The following ST18 variants were observed in gnomAD, a reference collection of about 807,000 sequenced individuals.
ST18 encodes suppression of tumorigenicity 18 protein.
Under a neutral mutation model 110.0 loss-of-function variants are expected in ST18, and 50 were observed. The observed-to-expected ratio is 0.45, with a 90% CI of 0.36 to 0.58. ST18 has a LOEUF of 0.58. ST18 is among the 20% of genes least tolerant of loss of function. The pLI is 0.00. For synonymous variants in ST18, 461 were observed against 452.4 expected, an observed-to-expected ratio of 1.02 and a Z score of -0.24; for missense variants, 1,306 against 1,280.1, an observed-to-expected ratio of 1.02 and a Z score of -0.31.
At chr8:52,332,286 T>C (rs895730989) in intron 2 of ST18, among the ~76,000 whole-genome samples, 4 of 152,110 alleles carry the variant, frequency 2.6e-5, no homozygotes, top group African/African-American at 9.7e-5. Context: ...ATCCCACTTA[T>C]GCTGTATTGA....
intron 2 of ST18, among the ~76,000 whole-genome samples, chr8:52,297,732 C>T (rs1589709667): frequency 1.3e-5 from 2 of 152,092 alleles, no homozygotes; most frequent in Admixed American, 1.3e-4. Flanking sequence ...GATTAAAAAA[C>T]ATATTTTAAA....
chr8:52,297,252 A>AGT (rs1018848219), intron 2 of ST18, among the ~76,000 whole-genome samples: 7 of 152,334 alleles, frequency 4.6e-5, no homozygotes, highest in Non-Finnish European at 7.3e-5. Flanking sequence ...TTGTACGTGA[A>AGT]GTGTGTGACA....
Position 52,210,303 on chromosome 8 carries a change from A to G in ST18, c.86+1776T>C, listed in dbSNP as rs75625049. Among the ~76,000 whole-genome samples the G allele has an allele frequency of 9.4e-3, 1,427 of 152,334 alleles. 24 individuals carry two copies. The highest frequency in any genetic ancestry group is 0.032 in the African/African-American group (1,350 of 41,574). On this transcript the variant is annotated intron_variant, in intron 8 of 25. Transcript: ENST00000689386. ...TTTAAATGAGCAAGGTTATTCAACAATTTAATCCTGTCCAAATGTAGGGGT... is the reference window on the plus strand; with the variant it reads ...TTTAAATGAGCAAGGTTATTCAACAGTTTAATCCTGTCCAAATGTAGGGGT...
At chr8:52,319,500 CT>C (rs781193293) in intron 2 of ST18, among the ~76,000 whole-genome samples, 2 of 152,056 alleles carry the variant, frequency 1.3e-5, no homozygotes, top group Non-Finnish European at 2.9e-5. Context: ...ATATGTTTCT[CT>C]TTTTTAGTTT....
chr8:52,285,021 C>G lies in ST18; in HGVS notation c.-464-54944G>C, dbSNP rs113240850. Among the ~76,000 whole-genome samples the G allele has an allele frequency of 9.2e-3, 1,395 of 152,212 alleles. 12 individuals are homozygous for G. The highest frequency in any genetic ancestry group is 0.026 in the South Asian group (124 of 4,812). ...ATAAGGAAGGACATTCCTAACTATA[C>G]GAGCTGTTCAAAATGGAGCATGCTA... is the stretch of plus-strand genomic sequence containing the variant. On this transcript the variant is annotated intron_variant, in intron 2 of 25. Transcript: ENST00000689386.
At chr8:52,117,588 T>C (rs2043003953) in intron 24 of ST18, among the ~76,000 whole-genome samples, 1 of 152,182 alleles carries the variant, frequency 6.6e-6, no homozygotes, top group Admixed American at 6.6e-5. Context: ...GCAACAATGG[T>C]CACTCTGGGT....
At chr8:52,136,263 G>T (rs1479437098) in intron 19 of ST18, among the ~76,000 whole-genome samples, 1 of 152,136 alleles carries the variant, frequency 6.6e-6, no homozygotes, top group African/African-American at 2.4e-5. Context: ...AAATTAAATG[G>T]CAGGTATGCT....
rs574558794 is a variant in ST18, at chr8:52,238,495, C to T, written c.-464-8418G>A. Among the ~76,000 whole-genome samples, 19 of 152,196 alleles carry T rather than the reference C, an allele frequency of 1.2e-4. No individual in the cohort carries two copies. The South Asian group carries it at 3.3e-3, about 27-fold the overall frequency. On this transcript the variant is annotated intron_variant, in intron 2 of 25. Coordinates refer to ENST00000689386, the MANE Select transcript of ST18 (RefSeq NM_001352837.2). Reference sequence around the variant, plus strand: ...CCAGGAATACCACCACTGGTATCTACCCAAAGGAAAAAATTATTACACCAA... The same window carrying T: ...CCAGGAATACCACCACTGGTATCTATCCAAAGGAAAAAATTATTACACCAA...
chr8:52,173,428 T>C (rs60204763), intron 9 of ST18, among the ~76,000 whole-genome samples: 28,063 of 152,188 alleles, frequency 0.18, 6,143 homozygotes, highest in African/African-American at 0.53. Flanking sequence ...AGTGCCTGTC[T>C]GTCCAGGGTC....
chr8:52,298,733 AT>A (rs1382319049), intron 2 of ST18, among the ~76,000 whole-genome samples: 6 of 152,310 alleles, frequency 3.9e-5, no homozygotes, highest in Admixed American at 3.9e-4. Context: ...TCCTTTTTGC[AT>A]TTCATACTTT....
chr8:52,212,773 T>TG (rs1455076761), intron 7 of ST18, among the ~76,000 whole-genome samples: 3 of 152,308 alleles, frequency 2.0e-5, no homozygotes, highest in African/African-American at 7.2e-5. Context: ...GAGAAACAGT[T>TG]GTTTCATTTC....
At chr8:52,371,210 T>C (rs1830157322) in intron 2 of ST18, among the ~76,000 whole-genome samples, 2 of 152,224 alleles carry the variant, frequency 1.3e-5, no homozygotes, top group South Asian at 4.1e-4. Flanking sequence ...GCTCGACTCT[T>C]AGCTTTCTAG....
chr8:52,404,425 G>A (rs1843752972), intron 2 of ST18: 1 of 152,148 alleles, frequency 6.6e-6, no homozygotes, highest in African/African-American at 2.4e-5. Flanking sequence ...CCAGGCCCAG[G>A]AGCACATGTT....
chr8:52,203,989 T>C (rs1182859485), intron 8 of ST18, among the ~76,000 whole-genome samples: 1 of 152,228 alleles, frequency 6.6e-6, no homozygotes, highest in Non-Finnish European at 1.5e-5. Flanking sequence ...GAGTCATCTC[T>C]GGAAGCATAT....
rs539953423 is a variant in ST18, at chr8:52,214,396, AC to A, written c.1-140del. ...TTGACTCACAGCCCGGCTCTATAGT[AC>A]ATAACTGTGACTCCCCCCACATACC... On this transcript the variant is annotated intron_variant, in intron 6 of 25. Coordinates refer to ENST00000689386, the MANE Select transcript of ST18 (RefSeq NM_001352837.2). 203 of 769,930 alleles carry A rather than the reference AC, an allele frequency of 2.6e-4. 3 individuals carry two copies. The South Asian group carries it at 3.5e-3, about 13-fold the overall frequency. The allele number at this position is 769,930 out of a possible 1,614,324, so 47.7% of individuals were successfully genotyped here. A position where few individuals can be genotyped will look rare whatever the true frequency, so the allele number is the denominator to read the frequency against.
At position 52,223,685 on chromosome 8, in the gene ST18, AT is replaced by A. The variant is rs1220084466; in HGVS notation, c.-418-1893del. ...TTTACTTATGGTTCCAAAGGATGTG[AT>A]TTTTTTTTTAAGTCCTCAAAACTAA... On this transcript the variant is annotated intron_variant, in intron 3 of 25. Coordinates refer to ENST00000689386, the MANE Select transcript of ST18 (RefSeq NM_001352837.2). Among the ~76,000 whole-genome samples, 34 of 150,190 alleles carry A rather than the reference AT, an allele frequency of 2.3e-4. No homozygotes were observed. In the East Asian group the frequency reaches 3.7e-3, roughly 16 times the overall value.
In ST18 at chr8:52,153,115, G is replaced by A. The variant is rs541535331; in HGVS notation, c.1807-3138C>T. On this transcript the variant is annotated intron_variant, in intron 15 of 25. Coordinates refer to ENST00000689386, the MANE Select transcript of ST18 (RefSeq NM_001352837.2). ...TTCAGGCAAATGACAACATTATATT[G>A]TTTTAGCAATTTTAAGTGGTCACAC... Among the ~76,000 whole-genome samples the A allele has an allele frequency of 2.6e-5, 4 of 152,260 alleles. No homozygotes were observed. The East Asian group carries it at 7.7e-4, about 29-fold the overall frequency.
At chr8:52,187,255 C>T (rs1426731915) in intron 8 of ST18, among the ~76,000 whole-genome samples, 1 of 152,194 alleles carries the variant, frequency 6.6e-6, no homozygotes, top group East Asian at 1.9e-4. Flanking sequence ...AAATTATTTA[C>T]ATGTATCAGC....
intron 2 of ST18, among the ~76,000 whole-genome samples, chr8:52,240,461 T>C (rs1420385346): frequency 1.3e-5 from 2 of 152,132 alleles, no homozygotes; most frequent in Non-Finnish European, 2.9e-5. Flanking sequence ...ATCTGCGTGC[T>C]TTCCTTCTTT....
Sources: allele counts gnomAD v4.1 joint callset (sites outside exome capture counted in the v4.1 genomes callset), GRCh38; gene constraint gnomAD v4.1.1; transcripts MANE v1.5; gene names NCBI Gene and HGNC (gene_info 2026-07-23, HGNC 2026-07-21).